SCN10A: variants seen among roughly 807,000 people sequenced by gnomAD.
SCN10A encodes the protein sodium channel protein type 10 subunit alpha.
SCN10A carries 162 observed loss-of-function variants against 170.7 expected under a neutral mutation model. That is an observed-to-expected ratio of 0.95 (90% CI 0.84 to 1.08). The LOEUF is 1.08. SCN10A is among the 50% of genes least tolerant of loss of function. The pLI is 0.00. For missense variants in SCN10A, 2,527 were observed against 2,436.9 expected (o/e 1.04, Z -0.78); for synonymous variants, 985 against 904.6 (o/e 1.09, Z -1.59).
At chr3:38,804,149 G>T (rs975041121) in intron 1 of SCN10A, among the ~76,000 whole-genome samples, 1 of 152,072 alleles carries the variant, frequency 6.6e-6, no homozygotes, top group African/African-American at 2.4e-5. Context: ...TAATTCTCTT[G>T]CTTGTTCATT....
chr3:38,777,113 T>C (rs2064085456), intron 4 of SCN10A, among the ~76,000 whole-genome samples: 1 of 152,000 alleles, frequency 6.6e-6, no homozygotes, highest in South Asian at 2.1e-4. Flanking sequence ...GCAAAATAAA[T>C]ATGCTCACTG....
At chr3:38,761,669 A>T (rs1428356116) in intron 6 of SCN10A, among the ~76,000 whole-genome samples, 2 of 152,088 alleles carry the variant, frequency 1.3e-5, no homozygotes, top group Non-Finnish European at 2.9e-5. Flanking sequence ...ATTCAATTTA[A>T]ATAATTTATG....
intron 20 of SCN10A, among the ~76,000 whole-genome samples, chr3:38,721,110 G>T (rs1390048144): frequency 1.3e-5 from 2 of 152,166 alleles, no homozygotes; most frequent in Admixed American, 1.3e-4. Flanking sequence ...CTCAGATCCT[G>T]CCTCGTCCCG....
chr3:38,809,551 T>G (rs1476254476), intron 1 of SCN10A, among the ~76,000 whole-genome samples: 1 of 152,222 alleles, frequency 6.6e-6, no homozygotes, highest in East Asian at 1.9e-4. Flanking sequence ...AATTAGGTGC[T>G]GTGGAAGATG....
At chr3:38,812,486 T>A (rs117993844) in intron 1 of SCN10A, among the ~76,000 whole-genome samples, 1 of 152,218 alleles carries the variant, frequency 6.6e-6, no homozygotes, top group East Asian at 1.9e-4. Flanking sequence ...GTACACCAAG[T>A]TCATTCATCT....
intron 1 of SCN10A, among the ~76,000 whole-genome samples, chr3:38,801,127 C>T (rs1372218644): frequency 2.0e-5 from 3 of 152,092 alleles, no homozygotes; most frequent in African/African-American, 7.2e-5. Flanking sequence ...TTCTTCCGAC[C>T]AGATTTTGTA....
chr3:38,755,764 A>G, intron 11 of SCN10A, 24 bp downstream of exon 11: 1 of 1,612,172 alleles, frequency 6.2e-7, no homozygotes, highest in South Asian at 1.1e-5. Context: ...GGTAATCTTT[A>G]GAGCACAAAC....
intron 1 of SCN10A, among the ~76,000 whole-genome samples, chr3:38,806,678 A>G (rs1237205615): frequency 2.0e-5 from 3 of 152,198 alleles, no homozygotes; most frequent in African/African-American, 7.2e-5. Context: ...AAGGTAAATT[A>G]TAGACAAATG....
chr3:38,765,367 C>T (rs1410362475), intron 5 of SCN10A, among the ~76,000 whole-genome samples: 1 of 152,168 alleles, frequency 6.6e-6, no homozygotes, highest in Non-Finnish European at 1.5e-5. Context: ...AGCCTTTTAT[C>T]CATCTTGAAT....
At chr3:38,800,763 G>T (rs2064365978) in intron 1 of SCN10A, among the ~76,000 whole-genome samples, 1 of 152,028 alleles carries the variant, frequency 6.6e-6, no homozygotes, top group African/African-American at 2.4e-5. Context: ...AGTGGAATTT[G>T]GTTATTTCTG....
chr3:38,750,792 A>T (rs751023155), intron 12 of SCN10A, among the ~76,000 whole-genome samples: 4 of 152,250 alleles, frequency 2.6e-5, no homozygotes, highest in Non-Finnish European at 4.4e-5. Context: ...ACTAGAATGA[A>T]TCAAGGTCAG....
chr3:38,799,300 C>T (rs2064358176), intron 1 of SCN10A, among the ~76,000 whole-genome samples: 1 of 152,106 alleles, frequency 6.6e-6, no homozygotes, highest in Non-Finnish European at 1.5e-5. Flanking sequence ...AGTCCCCCAT[C>T]ACTCACATTG....
intron 15 of SCN10A, among the ~76,000 whole-genome samples, chr3:38,730,568 G>C (rs2126004851): frequency 6.6e-6 from 1 of 152,096 alleles, no homozygotes; most frequent in East Asian, 1.9e-4. Context: ...TCAGATGATA[G>C]AATTATTAGT....
At chr3:38,746,100 T>TATATATATATATATATATATATAG (rs71085336) in intron 13 of SCN10A, among the ~76,000 whole-genome samples, 1 of 99,820 alleles carries the variant, frequency 1.0e-5, no homozygotes, top group Non-Finnish European at 2.0e-5. Flanking sequence ...TATATATATA[T>TATATATATATATATATATATATAG]GCCATCTTTG....
At chr3:38,812,224 C>T (rs1382484349) in intron 1 of SCN10A, among the ~76,000 whole-genome samples, 1 of 152,190 alleles carries the variant, frequency 6.6e-6, no homozygotes, top group Non-Finnish European at 1.5e-5. Flanking sequence ...GGGCATAGTG[C>T]TAAGTATTTT....
intron 3 of SCN10A, among the ~76,000 whole-genome samples, chr3:38,789,989 T>C (rs966870799): frequency 6.6e-6 from 1 of 152,196 alleles, no homozygotes; most frequent in African/African-American, 2.4e-5. Flanking sequence ...AGTATTTAAA[T>C]GTATTTTAGT....
At chr3:38,777,789 T>C (rs538109523) in intron 4 of SCN10A, among the ~76,000 whole-genome samples, 1 of 152,052 alleles carries the variant, frequency 6.6e-6, no homozygotes, top group Non-Finnish European at 1.5e-5. Context: ...ATCTGGTGCA[T>C]GGCAGAAGCA....
In SCN10A at chr3:38,790,413, T is replaced by C. The variant is rs139874134; in HGVS notation, c.390-1377A>G. 3.6e-3 allele frequency among the ~76,000 whole-genome samples: 546 copies of C among 152,068 alleles called. 6 individuals carry two copies. Among genetic ancestry groups the C allele is most frequent in the African/African-American group, 0.013 (530 of 41,494 alleles). On this transcript the variant is annotated intron_variant, in intron 3 of 27. Coordinates refer to ENST00000449082, the MANE Select transcript of SCN10A (RefSeq NM_006514.4). ...GCTGTGACTCTACCAAGCAATTATTTACTCATCAAATCTCAAGATGAAGAG... is the reference window on the plus strand; with the variant it reads ...GCTGTGACTCTACCAAGCAATTATTCACTCATCAAATCTCAAGATGAAGAG...
chr3:38,799,283 C>G (rs1057499027), intron 1 of SCN10A, among the ~76,000 whole-genome samples: 8 of 152,122 alleles, frequency 5.3e-5, no homozygotes, highest in African/African-American at 1.9e-4. Context: ...AAATTCCTCT[C>G]ACAGGCAGTC....
Sources: gnomAD v4.1 joint callset for allele counts (sites outside exome capture counted in the v4.1 genomes callset) on GRCh38, gnomAD v4.1.1 for gene constraint, MANE v1.5 for transcripts, NCBI Gene and HGNC (gene_info 2026-07-23, HGNC 2026-07-21) for gene names.